Variants in GRID2 observed in about 807,000 individuals in gnomAD.
GRID2 encodes the protein glutamate ionotropic receptor delta type subunit 2, also known as glutamate receptor ionotropic, delta-2.
In GRID2, 33 loss-of-function variants were observed where a neutral mutation model predicts 114.8. The observed-to-expected ratio is 0.29, with a 90% CI of 0.22 to 0.38. The LOEUF (loss-of-function observed/expected upper bound fraction) is 0.38, where lower values mean the gene tolerates loss of function less well. GRID2 is among the 10% of genes least tolerant of loss of function. The pLI is 1.00. For missense variants in GRID2, 1,184 were observed against 1,257.7 expected (o/e 0.94, Z 0.89); for synonymous variants, 505 against 449.9 (o/e 1.12, Z -1.55).
At chr4:93,062,508 T>A (rs1368379035) in intron 2 of GRID2, among the ~76,000 whole-genome samples, 1 of 152,100 alleles carries the variant, frequency 6.6e-6, no homozygotes, top group Non-Finnish European at 1.5e-5. Flanking sequence ...AGACATGTGT[T>A]GTGCACTAGT....
intron 4 of GRID2, among the ~76,000 whole-genome samples, chr4:93,158,623 C>CCA (rs138037468): frequency 3.3e-5 from 5 of 151,290 alleles, no homozygotes; most frequent in South Asian, 2.1e-4. Flanking sequence ...GATTTTAAAA[C>CCA]CACACACACA....
chr4:92,516,610 T>C (rs1311156357), intron 1 of GRID2, among the ~76,000 whole-genome samples: 1 of 151,916 alleles, frequency 6.6e-6, no homozygotes, highest in Non-Finnish European at 1.5e-5. Flanking sequence ...TTTGTAGTCA[T>C]GTAGCTCCTT....
rs1169838469 is a variant in GRID2, at chr4:93,061,483, A to G, written c.245-23512A>G. Among the ~76,000 whole-genome samples the G allele has an allele frequency of 2.0e-5, 3 of 152,230 alleles. No individual in the cohort carries two copies. The East Asian group carries it at 5.8e-4, about 29-fold the overall frequency. On this transcript the variant is annotated intron_variant, in intron 2 of 15. Transcript: ENST00000282020. ...GCTTAAAATCAATGGATAGAAAAAT[A>G]AACTCCAACAATTCTAGTGATGGGC...
intron 1 of GRID2, among the ~76,000 whole-genome samples, chr4:92,392,283 G>A (rs949631856): frequency 9.2e-5 from 14 of 151,822 alleles, no homozygotes; most frequent in Admixed American, 2.6e-4. Flanking sequence ...GGCTGGGCGC[G>A]GTGGCCTGTA....
In GRID2 at chr4:93,328,707, TTGGATGGATGGATGGATGGA is replaced by T. The variant is rs34951218; in HGVS notation, c.1246-66878_1246-66859del. Among the ~76,000 whole-genome samples the T allele has an allele frequency of 2.7e-5, 4 of 149,706 alleles. No individual in the cohort carries two copies. In the Admixed American group the frequency reaches 2.7e-4, roughly 10 times the overall value. On this transcript the variant is annotated intron_variant, in intron 8 of 15. Transcript: ENST00000282020. The stretch of plus-strand genomic sequence containing the variant: ...AGTGCATGGATGGATGGATGGATGG[TTGGATGGATGGATGGATGGA>T]TGGATGGATGGATGGATGGATAGAC...
intron 1 of GRID2, among the ~76,000 whole-genome samples, chr4:92,322,872 C>T (rs926546770): frequency 2.0e-5 from 3 of 152,056 alleles, no homozygotes; most frequent in Non-Finnish European, 4.4e-5. Context: ...GAAAAAAGGA[C>T]AAATAGCTAA....
intron 10 of GRID2, among the ~76,000 whole-genome samples, chr4:93,444,580 T>C (rs1030307760): frequency 6.6e-6 from 1 of 151,950 alleles, no homozygotes; most frequent in Admixed American, 6.6e-5. Context: ...TTAATTATAA[T>C]AGGTAAGAAA....
intron 14 of GRID2, among the ~76,000 whole-genome samples, chr4:93,713,999 A>G (rs955997408): frequency 6.6e-6 from 1 of 151,950 alleles, no homozygotes; most frequent in African/African-American, 2.4e-5. Context: ...ACGTAGGTAA[A>G]CATGTGCCAT....
chr4:93,173,917 A>G (rs1739093611), intron 4 of GRID2, among the ~76,000 whole-genome samples: 2 of 152,102 alleles, frequency 1.3e-5, no homozygotes, highest in Admixed American at 1.3e-4. Flanking sequence ...AGCCACTGCA[A>G]CCAGCCTGGA....
intron 2 of GRID2, among the ~76,000 whole-genome samples, chr4:92,599,348 G>A (rs1181794617): frequency 3.3e-5 from 5 of 152,106 alleles, no homozygotes; most frequent in African/African-American, 1.2e-4. Context: ...TGTTGTAGGA[G>A]AGTGATATAT....
intron 2 of GRID2, among the ~76,000 whole-genome samples, chr4:92,606,347 A>G (rs1339828578): frequency 6.6e-6 from 1 of 151,880 alleles, no homozygotes; most frequent in Admixed American, 6.6e-5. Context: ...CAGATGAAGA[A>G]AATGAGCAAC....
intron 2 of GRID2, among the ~76,000 whole-genome samples, chr4:92,699,658 C>T (rs980309483): frequency 6.6e-6 from 1 of 152,090 alleles, no homozygotes; most frequent in Non-Finnish European, 1.5e-5. Context: ...AGCACAAAAT[C>T]AAGCACAATT....
At chr4:93,137,383 A>G (rs548270979) in intron 4 of GRID2, among the ~76,000 whole-genome samples, 1 of 152,292 alleles carries the variant, frequency 6.6e-6, no homozygotes, top group African/African-American at 2.4e-5. Context: ...TTTGCATTTT[A>G]TATTAAGCAA....
chr4:93,222,333 C>T (rs1744979222), intron 6 of GRID2, among the ~76,000 whole-genome samples: 1 of 151,936 alleles, frequency 6.6e-6, no homozygotes, highest in Non-Finnish European at 1.5e-5. Context: ...GAAAGAAAAT[C>T]AGAAGTTGGC....
chr4:93,516,799 G>A (rs2149492493), intron 13 of GRID2, among the ~76,000 whole-genome samples: 1 of 152,152 alleles, frequency 6.6e-6, no homozygotes, highest in African/African-American at 2.4e-5. Flanking sequence ...TGGCTTTGAG[G>A]ATGAGTTATT....
chr4:93,162,018 T>G (rs964560369), intron 4 of GRID2, among the ~76,000 whole-genome samples: 1 of 151,802 alleles, frequency 6.6e-6, no homozygotes, highest in African/African-American at 2.4e-5. Flanking sequence ...TCCCTAACAT[T>G]TCCAGAAAAG....
At chr4:93,392,368 A>G (rs1365562076) in intron 8 of GRID2, among the ~76,000 whole-genome samples, 1 of 152,166 alleles carries the variant, frequency 6.6e-6, no homozygotes, top group Non-Finnish European at 1.5e-5. Context: ...CTCACACTTG[A>G]ACCTAAGTGA....
chr4:93,694,878 T>C lies in GRID2; in HGVS notation c.2360+68443T>C, dbSNP rs140350671. Among the ~76,000 whole-genome samples, 934 of 151,838 alleles carry C rather than the reference T, an allele frequency of 6.2e-3. 12 individuals carry two copies. The highest frequency in any genetic ancestry group is 0.021 in the African/African-American group (887 of 41,282). On this transcript the variant is annotated intron_variant, in intron 14 of 15. Transcript: ENST00000282020. ...ACTCCATATATTTGTATCAAAGAAA[T>C]GTTCAGAATGGTGGCCGGGGCGGTG...
chr4:93,278,806 G>T (rs1032767957), intron 8 of GRID2, among the ~76,000 whole-genome samples: 3 of 151,290 alleles, frequency 2.0e-5, no homozygotes, highest in African/African-American at 7.3e-5. Flanking sequence ...GTCTTCAAAG[G>T]TGGTTTTTGT....
Sources: gnomAD v4.1 joint callset for allele counts (sites outside exome capture counted in the v4.1 genomes callset) on GRCh38, gnomAD v4.1.1 for gene constraint, MANE v1.5 for transcripts, NCBI Gene and HGNC (gene_info 2026-07-23, HGNC 2026-07-21) for gene names.